Variants in PDZRN3 observed in about 807,000 individuals in gnomAD.
The protein encoded by PDZRN3 is PDZ domain containing ring finger 3.
Under a neutral mutation model 85.7 loss-of-function variants are expected in PDZRN3, and 38 were observed. The ratio of observed to expected loss-of-function variants is 0.44; its 90% CI spans 0.34 to 0.58. The LOEUF (loss-of-function observed/expected upper bound fraction) is 0.58. Among genes scored for constraint, PDZRN3 ranks in the 20% least tolerant of loss-of-function variants. The pLI is 0.01. For synonymous variants in PDZRN3, 759 were observed against 638.0 expected, an observed-to-expected ratio of 1.19 and a Z score of -2.86; for missense variants, 1,629 against 1,506.4, an observed-to-expected ratio of 1.08 and a Z score of -1.35.
At chr3:73,502,007 T>C (rs1289462497) in intron 3 of PDZRN3, among the ~76,000 whole-genome samples, 2 of 150,946 alleles carry the variant, frequency 1.3e-5, no homozygotes, top group Non-Finnish European at 2.9e-5. Flanking sequence ...AGAACCAGAT[T>C]CAGTATCAAA....
At chr3:73,608,338 C>T (rs1247454327) in intron 2 of PDZRN3, among the ~76,000 whole-genome samples, 1 of 152,052 alleles carries the variant, frequency 6.6e-6, no homozygotes, top group Non-Finnish European at 1.5e-5. Context: ...AGAAATGTAC[C>T]CCCTAACAAA....
chr3:73,413,721 G>A (rs1049724328), intron 3 of PDZRN3, among the ~76,000 whole-genome samples: 6 of 152,148 alleles, frequency 3.9e-5, no homozygotes, highest in Admixed American at 1.3e-4. Context: ...AAGATGTGAG[G>A]GTGTAGTGAA....
At chr3:73,552,902 A>G (rs549308648) in intron 3 of PDZRN3, among the ~76,000 whole-genome samples, 5 of 152,364 alleles carry the variant, frequency 3.3e-5, no homozygotes, top group African/African-American at 9.6e-5. Flanking sequence ...ATGCAGCTTC[A>G]GCCTACTTGA....
intron 3 of PDZRN3, among the ~76,000 whole-genome samples, chr3:73,479,851 T>C (rs535608439): frequency 6.6e-6 from 1 of 152,238 alleles, no homozygotes; most frequent in South Asian, 2.1e-4. Flanking sequence ...TGGTATTATT[T>C]TGTAAAACTA....
intron 3 of PDZRN3, among the ~76,000 whole-genome samples, chr3:73,462,410 T>C (rs1703123860): frequency 1.3e-5 from 2 of 151,896 alleles, no homozygotes. Context: ...CCAGGCGTGG[T>C]GGTGGGCCCC....
At chr3:73,607,197 T>C (rs376367353) in intron 2 of PDZRN3, among the ~76,000 whole-genome samples, 5 of 152,264 alleles carry the variant, frequency 3.3e-5, no homozygotes, top group Non-Finnish European at 5.9e-5. Context: ...TGCATTGGAA[T>C]GGCAGGAGAA....
intron 3 of PDZRN3, chr3:73,434,018 C>T (rs1702484944): frequency 4.8e-6 from 5 of 1,047,560 alleles, no homozygotes; most frequent in African/African-American, 1.6e-5. Context: ...AATGCACACG[C>T]TATATATACT....
intron 6 of PDZRN3, 27 bp downstream of exon 6, chr3:73,390,991 T>A: frequency 6.7e-7 from 1 of 1,493,042 alleles, no homozygotes; most frequent in Non-Finnish European, 9.3e-7. Flanking sequence ...GATACGATAG[T>A]TAGAAAAACA....
At chr3:73,428,735 C>T (rs1011342512) in intron 3 of PDZRN3, among the ~76,000 whole-genome samples, 2 of 151,922 alleles carry the variant, frequency 1.3e-5, no homozygotes, top group African/African-American at 4.8e-5. Flanking sequence ...TTTTCAGAAT[C>T]AACATAAAAG....
intron 1 of PDZRN3, 88 bp downstream of exon 1, chr3:73,624,015 G>T: frequency 8.1e-7 from 1 of 1,236,300 alleles, no homozygotes; most frequent in South Asian, 1.8e-5. Context: ...CGGGAAGCTC[G>T]GGGCATCCCT....
chr3:73,614,086 T>C (rs945476915), intron 1 of PDZRN3, among the ~76,000 whole-genome samples: 3 of 152,244 alleles, frequency 2.0e-5, no homozygotes, highest in African/African-American at 7.2e-5. Context: ...AGCTTTGCTA[T>C]CATATTTGAA....
chr3:73,438,678 TG>T (rs1191054614), intron 3 of PDZRN3, among the ~76,000 whole-genome samples: 23 of 152,370 alleles, frequency 1.5e-4, no homozygotes, highest in African/African-American at 4.3e-4. Flanking sequence ...ATCTTTCTTC[TG>T]GATCACACAG....
At chr3:73,452,839 C>CTGTGTGTGTGTATG (rs1553690758) in intron 3 of PDZRN3, among the ~76,000 whole-genome samples, 2 of 140,618 alleles carry the variant, frequency 1.4e-5, no homozygotes, top group African/African-American at 5.4e-5. Context: ...GTCCATATAT[C>CTGTGTGTGTGTATG]TGTGTGTGTG....
chr3:73,394,266 C>T (rs189535326), intron 5 of PDZRN3, among the ~76,000 whole-genome samples: 125 of 152,232 alleles, frequency 8.2e-4, no homozygotes, highest in Non-Finnish European at 3.1e-4. Context: ...TATTTTTGCA[C>T]GGGAGAGAAG....
chr3:73,540,290 C>T (rs916803953), intron 3 of PDZRN3, among the ~76,000 whole-genome samples: 1 of 152,050 alleles, frequency 6.6e-6, no homozygotes, highest in Non-Finnish European at 1.5e-5. Context: ...ATTTCACATG[C>T]CTCTGTAAAC....
chr3:73,544,583 A>G (rs976607949), intron 3 of PDZRN3, among the ~76,000 whole-genome samples: 6 of 152,140 alleles, frequency 3.9e-5, no homozygotes, highest in African/African-American at 1.4e-4. Flanking sequence ...GTGTTATTAT[A>G]TTTGAATGAT....
chr3:73,610,655 C>T (rs1702669884), intron 1 of PDZRN3, among the ~76,000 whole-genome samples: 1 of 152,170 alleles, frequency 6.6e-6, no homozygotes, highest in Non-Finnish European at 1.5e-5. Flanking sequence ...ACATGTCTGG[C>T]TTTCATAATT....
At chr3:73,604,775 T>C (rs575354413) in intron 2 of PDZRN3, among the ~76,000 whole-genome samples, 1 of 152,314 alleles carries the variant, frequency 6.6e-6, no homozygotes, top group East Asian at 1.9e-4. Context: ...TTGGCTTTCG[T>C]TTGTTTTGCA....
At chr3:73,408,177 C>T in intron 3 of PDZRN3, 1 of 703,296 alleles carries the variant, frequency 1.4e-6, no homozygotes, top group Non-Finnish European at 2.6e-6. Context: ...TGTGCAGGGA[C>T]AGCAATTGTG....
Sources: gnomAD v4.1 joint callset for allele counts (sites outside exome capture counted in the v4.1 genomes callset) on GRCh38, gnomAD v4.1.1 for gene constraint, MANE v1.5 for transcripts, NCBI Gene and HGNC (gene_info 2026-07-23, HGNC 2026-07-21) for gene names.